The following HNRNPC variants were observed in gnomAD, a reference collection of about 807,000 sequenced individuals.
The protein encoded by HNRNPC is heterogeneous nuclear ribonucleoproteins C1/C2.
HNRNPC carries 3 observed loss-of-function variants against 33.2 expected under a neutral mutation model. The observed-to-expected ratio is 0.09, with a 90% CI of 0.04 to 0.23. The LOEUF is 0.23. Among genes scored for constraint, HNRNPC ranks in the 10% least tolerant of loss-of-function variants. HNRNPC has a pLI of 1.00. For synonymous variants in HNRNPC, 121 were observed against 126.7 expected, an observed-to-expected ratio of 0.96 and a Z score of 0.30; for missense variants, 143 against 366.7, an observed-to-expected ratio of 0.39 and a Z score of 4.98.
chr14:21,211,602 T>C (rs1891610898), intron 7 of HNRNPC, 36 bp from the exon 8 acceptor site: 1 of 1,583,148 alleles, frequency 6.3e-7, no homozygotes, highest in Non-Finnish European at 8.6e-7. Context: ...CTAGGGGCAG[T>C]AATGTCCACA....
chr14:21,254,833 GAGGCGGAGGTTGCGGT>G lies in HNRNPC; in HGVS notation c.-37+8462_-37+8477del, dbSNP rs371157426. 8.1e-3 allele frequency among the ~76,000 whole-genome samples: 1,226 copies of G among 151,852 alleles called. 19 individuals are homozygous for G. The highest frequency in any genetic ancestry group is 0.028 in the African/African-American group (1,157 of 41,340). On this transcript the variant is annotated intron_variant, in intron 2 of 8. Coordinates refer to ENST00000553300, the MANE Select transcript of HNRNPC (RefSeq NM_004500.4). ...AGGCAGGAGAATCACTTGAATCCGGGAGGCGGAGGTTGCGGTAGGCGGAGGTTGCGGTGAGCCAAGA... is the reference window on the plus strand; with the variant it reads ...AGGCAGGAGAATCACTTGAATCCGGGAGGCGGAGGTTGCGGTGAGCCAAGA...
intron 5 of HNRNPC, among the ~76,000 whole-genome samples, chr14:21,228,828 T>C (rs547992816): frequency 5.7e-4 from 86 of 152,118 alleles, no homozygotes; most frequent in Middle Eastern, 3.4e-3. Flanking sequence ...CTCACACCTG[T>C]AATCCCAGCA....
intron 5 of HNRNPC, among the ~76,000 whole-genome samples, chr14:21,226,496 C>T (rs539260505): frequency 1.3e-5 from 2 of 152,012 alleles, no homozygotes; most frequent in Non-Finnish European, 2.9e-5. Context: ...GCATTCCCAA[C>T]ATTGTGATAA....
intron 5 of HNRNPC, chr14:21,213,338 T>C (rs1954526420): frequency 2.0e-6 from 1 of 497,666 alleles, no homozygotes; most frequent in African/African-American, 1.9e-5. Context: ...CTGTAGCAAC[T>C]TTTCCTCAGG....
At chr14:21,234,293 T>G in intron 2 of HNRNPC, 64 bp from the exon 3 acceptor site, 1 of 1,408,920 alleles carries the variant, frequency 7.1e-7, no homozygotes, top group Non-Finnish European at 9.7e-7. Context: ...TGATAAAACA[T>G]TCTCCACTCT....
At chr14:21,219,392 T>C (rs1053661573) in intron 5 of HNRNPC, among the ~76,000 whole-genome samples, 2 of 152,238 alleles carry the variant, frequency 1.3e-5, no homozygotes, top group Non-Finnish European at 2.9e-5. Flanking sequence ...GTGTTTTCTA[T>C]GCTGACTCCA....
intron 5 of HNRNPC, among the ~76,000 whole-genome samples, chr14:21,215,010 A>G (rs566356308): frequency 1.3e-5 from 2 of 152,314 alleles, no homozygotes; most frequent in East Asian, 3.9e-4. Context: ...GTTCTGTACT[A>G]TCACTGGAAT....
intron 2 of HNRNPC, among the ~76,000 whole-genome samples, chr14:21,240,396 T>C (rs1473056365): frequency 6.6e-6 from 1 of 152,206 alleles, no homozygotes; most frequent in Non-Finnish European, 1.5e-5. Context: ...TAGCTAAAAT[T>C]TTGAAAATAT....
chr14:21,213,164 T>C (rs1390950326), intron 5 of HNRNPC, 47 bp from the exon 6 acceptor site: 1 of 1,560,580 alleles, frequency 6.4e-7, no homozygotes, highest in Non-Finnish European at 8.8e-7. Context: ...TAACATTAAC[T>C]CAGCACAATT....
intron 2 of HNRNPC, among the ~76,000 whole-genome samples, chr14:21,240,265 C>CT (rs1228572261): frequency 2.0e-5 from 3 of 152,306 alleles, no homozygotes; most frequent in Admixed American, 6.5e-5. Context: ...AGTAAAAACT[C>CT]TATCTAGTTG....
chr14:21,253,886 A>G (rs1295025687), intron 2 of HNRNPC, among the ~76,000 whole-genome samples: 1 of 151,930 alleles, frequency 6.6e-6, no homozygotes. Context: ...TAACACGGTG[A>G]ATCCCCGTCT....
At chr14:21,238,913 G>A (rs935232896) in intron 2 of HNRNPC, among the ~76,000 whole-genome samples, 4 of 152,152 alleles carry the variant, frequency 2.6e-5, no homozygotes, top group African/African-American at 9.6e-5. Flanking sequence ...GTTCACATCA[G>A]GTCAGGAGTT....
rs1291646252 is a variant in HNRNPC at position 21,225,681 on chromosome 14, G to T, written c.365+4638C>A. 2.0e-5 allele frequency among the ~76,000 whole-genome samples: 3 copies of T among 152,214 alleles called. No homozygotes were observed. In the East Asian group the frequency reaches 5.8e-4, roughly 29 times the overall value. ...TCCACGAGATATGACAAAAAAGAAT[G>T]ACTGTCCATAAGACAGTGATGTATC... On this transcript the variant is annotated intron_variant, in intron 5 of 8. Coordinates refer to ENST00000553300, the MANE Select transcript of HNRNPC (RefSeq NM_004500.4).
intron 2 of HNRNPC, among the ~76,000 whole-genome samples, chr14:21,245,290 G>A (rs952744062): frequency 6.6e-5 from 10 of 151,916 alleles, no homozygotes; most frequent in African/African-American, 2.4e-4. Context: ...GAGGTCAGGA[G>A]TTCAAGACCA....
chr14:21,216,023 C>T (rs897823371), intron 5 of HNRNPC, among the ~76,000 whole-genome samples: 2 of 148,182 alleles, frequency 1.3e-5, no homozygotes, highest in Admixed American at 6.8e-5. Context: ...GGCTGAGGCA[C>T]GAGAGTTGCT....
intron 2 of HNRNPC, among the ~76,000 whole-genome samples, chr14:21,253,234 T>C (rs532643228): frequency 4.2e-4 from 63 of 149,308 alleles, no homozygotes; most frequent in African/African-American, 1.5e-3. Flanking sequence ...CCCAGCACTT[T>C]GGGAGGCCAA....
chr14:21,218,325 T>G (rs1013844627), intron 5 of HNRNPC, among the ~76,000 whole-genome samples: 4 of 152,186 alleles, frequency 2.6e-5, no homozygotes, highest in Non-Finnish European at 5.9e-5. Context: ...CTCCCATATG[T>G]CAGTGTTGAT....
At chr14:21,245,549 T>C (rs895442411) in intron 2 of HNRNPC, among the ~76,000 whole-genome samples, 6 of 152,040 alleles carry the variant, frequency 3.9e-5, no homozygotes, top group South Asian at 2.1e-4. Context: ...GCACTTACCA[T>C]GAATGGAGCT....
At chr14:21,224,776 G>A (rs1033818645) in intron 5 of HNRNPC, among the ~76,000 whole-genome samples, 1 of 151,964 alleles carries the variant, frequency 6.6e-6, no homozygotes, top group African/African-American at 2.4e-5. Flanking sequence ...ACACATCAAG[G>A]CCCCTCACAA....
Sources: gnomAD v4.1 joint callset for allele counts (sites outside exome capture counted in the v4.1 genomes callset) on GRCh38, gnomAD v4.1.1 for gene constraint, MANE v1.5 for transcripts, NCBI Gene and HGNC (gene_info 2026-07-23, HGNC 2026-07-21) for gene names.